Variants in MGA observed in about 807,000 individuals in gnomAD.
MGA encodes the protein MAX dimerization protein MGA.
A neutral mutation model predicts 261.1 loss-of-function variants in MGA; 40 were observed. The ratio of observed to expected loss-of-function variants is 0.15; its 90% CI spans 0.12 to 0.20. MGA has a LOEUF of 0.20. Among genes scored for constraint, MGA ranks in the 10% least tolerant of loss-of-function variants. The pLI is 1.00. For synonymous variants in MGA, 1,302 were observed against 1,290.6 expected (o/e 1.01, Z -0.19); for missense variants, 3,397 against 3,630.5 (o/e 0.94, Z 1.65).
chr15:41,638,361 A>C (rs2056752049), intron 1 of MGA, among the ~76,000 whole-genome samples: 1 of 147,116 alleles, frequency 6.8e-6, no homozygotes, highest in African/African-American at 2.5e-5. Flanking sequence ...TTAATTTTAA[A>C]ATATGCTAGA....
rs755341419 is a variant in MGA at position 41,761,736 on chromosome 15, T to C, written c.7399-3T>C. On this transcript the variant is annotated splice_polypyrimidine_tract_variant and splice_region_variant and intron_variant, in intron 20 of 23. Coordinates refer to ENST00000219905, the MANE Select transcript of MGA (RefSeq NM_001164273.2). Reference sequence around the variant, plus strand: ...TTCAATAATACCACTATTTGTATTCTAGGCCTTCAGTGAAATTCAGGGACT... The same window carrying C: ...TTCAATAATACCACTATTTGTATTCCAGGCCTTCAGTGAAATTCAGGGACT... 3.2e-6 allele frequency: 5 copies of C among 1,561,540 alleles called. No individual in the cohort carries two copies. The highest frequency in any genetic ancestry group is 2.3e-5 in the East Asian group (1 of 43,882).
intron 1 of MGA, among the ~76,000 whole-genome samples, chr15:41,648,913 G>A (rs4244585): frequency 0.75 from 114,664 of 151,998 alleles, 44,499 homozygotes; most frequent in East Asian, 0.88. Flanking sequence ...ATGAGTGCCT[G>A]GAGAGAGAGA....
At chr15:41,732,074 C>CT (rs2061535146) in intron 11 of MGA, among the ~76,000 whole-genome samples, 1 of 151,894 alleles carries the variant, frequency 6.6e-6, no homozygotes, top group South Asian at 2.1e-4. Flanking sequence ...GGATTTAAGA[C>CT]TAAGTATACT....
intron 9 of MGA, among the ~76,000 whole-genome samples, chr15:41,713,981 T>TC (rs1477459232): frequency 6.6e-6 from 1 of 152,024 alleles, no homozygotes; most frequent in African/African-American, 2.4e-5. Context: ...AAAATTGGGT[T>TC]TTTTTTTGGT....
intron 7 of MGA, among the ~76,000 whole-genome samples, chr15:41,708,901 A>G (rs2060245858): frequency 6.6e-6 from 1 of 152,216 alleles, no homozygotes; most frequent in African/African-American, 2.4e-5. Context: ...CTCCGTTCTT[A>G]GTGCTTTTCC....
In MGA at chr15:41,766,270, A is replaced by C. The variant is rs1351959031; in HGVS notation, c.8188A>C (p.Ile2730Leu). The change falls in exon 24 of 24, where the codon ATA becomes CTA. Residue 2730 changes from isoleucine (I) to leucine (L), a missense_variant. By Grantham distance (5) the Ile-to-Leu change is conservative. Around this residue, in one of 9 missense-constraint regions of MGA, gnomAD observed 647 missense variants for 642.4 expected, o/e 1.01. Coordinates refer to ENST00000219905, the MANE Select transcript of MGA (RefSeq NM_001164273.2). ...AAACAAAGATTCTGGTTATCCACAA[A>C]TAGTTGACGTTTCCAATATGCAGAA... is the stretch of plus-strand genomic sequence containing the variant. The C allele has an allele frequency of 1.9e-6, 3 of 1,613,904 alleles. No homozygotes were observed. In the African/African-American group the frequency reaches 4.0e-5, roughly 22 times the overall value.
In MGA at chr15:41,740,496, C is replaced by G. The variant is rs143355776; in HGVS notation, c.4585+293C>G. Among the ~76,000 whole-genome samples, 59 of 151,898 alleles carry G rather than the reference C, an allele frequency of 3.9e-4. 3 individuals are homozygous for G. In the East Asian group the frequency reaches 0.011, roughly 29 times the overall value. ...TATAGTTATTTTTAAGGTTTTCAGACTGGTTGTTATTAATGTAGAAAAGAC... is the reference window on the plus strand; with the variant it reads ...TATAGTTATTTTTAAGGTTTTCAGAGTGGTTGTTATTAATGTAGAAAAGAC... On this transcript the variant is annotated intron_variant, in intron 14 of 23. Transcript: ENST00000219905.
intron 3 of MGA, among the ~76,000 whole-genome samples, chr15:41,698,624 C>T (rs1267049560): frequency 2.0e-5 from 3 of 152,022 alleles, no homozygotes; most frequent in Admixed American, 6.6e-5. Context: ...AGTATGACAT[C>T]GTATTCACAT....
At chr15:41,762,460 G>GTTTTTTTTTTTTTTTTTTTTTTT (rs1491528643) in intron 22 of MGA, 98 bp downstream of exon 22, 7 of 190,286 alleles carry the variant, frequency 3.7e-5, no homozygotes, top group African/African-American at 2.5e-4. Flanking sequence ...AGTTTTGTGT[G>GTTTTTTTTTTTTTTTTTTTTTTT]GTTTTTTTTT....
chr15:41,734,377 G>T, intron 11 of MGA, 145 bp from the exon 12 acceptor site: 1 of 679,524 alleles, frequency 1.5e-6, no homozygotes. Flanking sequence ...TAGTAACGTA[G>T]ATGTGCATGT....
chr15:41,737,308 G>GTT (rs558117565), intron 13 of MGA, among the ~76,000 whole-genome samples: 2 of 149,060 alleles, frequency 1.3e-5, no homozygotes, highest in African/African-American at 4.9e-5. Context: ...GTTTGTGTGT[G>GTT]TTTTTTTTTG....
At chr15:41,655,599 T>G (rs1453840707), upstream of MGA, among the ~76,000 whole-genome samples, 2 of 152,220 alleles carry the variant, frequency 1.3e-5, no homozygotes, top group African/African-American at 4.8e-5. Flanking sequence ...CCACATATTT[T>G]TGATCCATGA....
rs1441488793 is a variant in MGA, at chr15:41,742,538, G to A, written c.4586-8G>A. 4.4e-6 allele frequency: 7 copies of A among 1,607,560 alleles called. No individual in the cohort carries two copies. The highest frequency in any genetic ancestry group is 1.7e-5 in the Admixed American group (1 of 59,534). ...GAAGATTTTTGACCTGCAAATTTCTGTTTGCAGCGGCTCGACCCTCTCCTG... is the reference window on the plus strand; with the variant it reads ...GAAGATTTTTGACCTGCAAATTTCTATTTGCAGCGGCTCGACCCTCTCCTG... On this transcript the variant is annotated splice_region_variant and splice_polypyrimidine_tract_variant and intron_variant, in intron 14 of 23. Transcript: ENST00000219905.
At chr15:41,728,118 T>G (rs1267266526) in intron 10 of MGA, among the ~76,000 whole-genome samples, 1 of 151,730 alleles carries the variant, frequency 6.6e-6, no homozygotes, top group Non-Finnish European at 1.5e-5. Context: ...TGATCTGAGG[T>G]CAGGAGTTCG....
intron 18 of MGA, among the ~76,000 whole-genome samples, chr15:41,757,117 T>C (rs2063196234): frequency 6.6e-6 from 1 of 152,142 alleles, no homozygotes; most frequent in Non-Finnish European, 1.5e-5. Flanking sequence ...ATTTTTGAGA[T>C]GTATTATTTC....
At position 41,669,113 on chromosome 15, in the gene MGA, T is replaced by C; in HGVS notation, c.219T>C (p.Gly73=). The C allele has an allele frequency of 6.2e-7, 1 of 1,611,428 alleles. No homozygotes were observed. The highest frequency in any genetic ancestry group is 8.5e-7 in the Non-Finnish European group (1 of 1,177,618). ...GCCTTCCAGCTGATTGTACTGTGGG[T>C]GGAATCACTGTTACCCTCGATAACA... is the stretch of plus-strand genomic sequence containing the variant. The change falls in exon 2 of 24, where the codon GGT becomes GGC. Residue 73 remains glycine, a synonymous_variant. Coordinates refer to ENST00000219905, the MANE Select transcript of MGA (RefSeq NM_001164273.2).
intron 4 of MGA, 58 bp from the exon 5 acceptor site, chr15:41,699,006 C>T: frequency 1.3e-6 from 2 of 1,546,480 alleles, no homozygotes; most frequent in South Asian, 2.4e-5. Flanking sequence ...AAACATGCAA[C>T]ATTCATTTGT....
At chr15:41,690,994 G>GTTTTTTTTTTTTTTT in intron 2 of MGA, among the ~76,000 whole-genome samples, 1 of 104,346 alleles carries the variant, frequency 9.6e-6, no homozygotes, top group Non-Finnish European at 1.9e-5. Context: ...AGATTGCTTT[G>GTTTTTTTTTTTTTTT]TTTTTTTTTT....
chr15:41,632,916 A>T (rs1014248225), intron 1 of MGA, among the ~76,000 whole-genome samples: 9 of 151,986 alleles, frequency 5.9e-5, no homozygotes, highest in African/African-American at 1.9e-4. Flanking sequence ...GTTTCAGGAA[A>T]CTTTATATAT....
Sources: allele counts gnomAD v4.1 joint callset (sites outside exome capture counted in the v4.1 genomes callset), GRCh38; gene constraint gnomAD v4.1.1; regional missense constraint gnomAD v4.1.1; transcripts MANE v1.5; gene names NCBI Gene and HGNC (gene_info 2026-07-23, HGNC 2026-07-21).